PTPRK: variants seen among roughly 807,000 people sequenced by gnomAD.
PTPRK encodes the protein protein tyrosine phosphatase receptor type K, also known as receptor-type tyrosine-protein phosphatase kappa.
Under a neutral mutation model 178.0 loss-of-function variants are expected in PTPRK, and 75 were observed. That is an observed-to-expected ratio of 0.42 (90% CI 0.35 to 0.51). PTPRK has a LOEUF of 0.51. PTPRK is among the 20% of genes least tolerant of loss of function. The probability of loss-of-function intolerance (pLI) is 0.02; values close to 1 mark genes in which losing one functional copy is unlikely to be tolerated. For synonymous variants in PTPRK, 637 were observed against 620.6 expected (o/e 1.03, Z -0.39); for missense variants, 1,441 against 1,797.8 (o/e 0.80, Z 3.59).
intron 3 of PTPRK, among the ~76,000 whole-genome samples, chr6:128,288,157 A>G (rs1822812840): frequency 6.6e-6 from 1 of 152,198 alleles, no homozygotes; most frequent in Admixed American, 6.6e-5. Context: ...ACTAGCTTTC[A>G]CAAAACTGAA....
intron 5 of PTPRK, among the ~76,000 whole-genome samples, chr6:128,220,113 T>A (rs940893066): frequency 6.6e-6 from 1 of 151,842 alleles, no homozygotes; most frequent in African/African-American, 2.4e-5. Flanking sequence ...CTGAAAAAAA[T>A]TCAACTATAA....
Position 128,134,622 on chromosome 6 carries a change from G to A in PTPRK, c.1163-44630C>T, listed in dbSNP as rs569459209. On this transcript the variant is annotated intron_variant, in intron 7 of 29. Coordinates refer to ENST00000368226, the MANE Select transcript of PTPRK (RefSeq NM_002844.4). ...GCTCAGGGGTTCAAGACCAGCCTGG[G>A]CGATGTGACAAAATCCCATCTCTAC... 9.9e-5 allele frequency among the ~76,000 whole-genome samples: 15 copies of A among 152,186 alleles called. No homozygotes were observed. The South Asian group carries it at 2.7e-3, about 27-fold the overall frequency.
At chr6:128,453,696 C>A (rs1343999700) in intron 1 of PTPRK, among the ~76,000 whole-genome samples, 1 of 152,132 alleles carries the variant, frequency 6.6e-6, no homozygotes, top group African/African-American at 2.4e-5. Context: ...AAAATAGCCA[C>A]CCTGTAAATG....
chr6:128,481,162 A>T (rs1352478412), intron 1 of PTPRK, among the ~76,000 whole-genome samples: 1 of 151,976 alleles, frequency 6.6e-6, no homozygotes, highest in African/African-American at 2.4e-5. Context: ...AGCTCAAATT[A>T]CACCTTATCT....
At chr6:128,347,464 T>A (rs1305458795) in intron 2 of PTPRK, among the ~76,000 whole-genome samples, 1 of 152,160 alleles carries the variant, frequency 6.6e-6, no homozygotes, top group Non-Finnish European at 1.5e-5. Flanking sequence ...GGAGATGAAT[T>A]TACCGTGAAG....
Position 128,012,881 on chromosome 6 carries a change from C to T in PTPRK, c.2195-3613G>A, listed in dbSNP as rs537330372. On this transcript the variant is annotated intron_variant, in intron 13 of 29. Coordinates refer to ENST00000368226, the MANE Select transcript of PTPRK (RefSeq NM_002844.4). ...GGTGTCTTCAGAGACATTATTGTCA[C>T]TCAAATTCTGCAAATCCTCCCGGCA... Among the ~76,000 whole-genome samples the T allele has an allele frequency of 2.0e-5, 3 of 151,444 alleles. No individual in the cohort carries two copies. The South Asian group carries it at 6.2e-4, about 31-fold the overall frequency.
chr6:128,264,642 C>T (rs898257663), intron 3 of PTPRK, among the ~76,000 whole-genome samples: 8 of 152,182 alleles, frequency 5.3e-5, no homozygotes, highest in East Asian at 3.9e-4. Flanking sequence ...GCATGCACCA[C>T]CATACCTGGC....
intron 13 of PTPRK, among the ~76,000 whole-genome samples, chr6:128,027,280 T>C (rs953154818): frequency 2.0e-5 from 3 of 152,214 alleles, no homozygotes; most frequent in African/African-American, 7.2e-5. Flanking sequence ...TGAACAGAAC[T>C]GTTTGTCCAT....
At chr6:128,277,296 G>C (rs1239698166) in intron 3 of PTPRK, among the ~76,000 whole-genome samples, 1 of 152,138 alleles carries the variant, frequency 6.6e-6, no homozygotes, top group Non-Finnish European at 1.5e-5. Context: ...GTCAGTCATA[G>C]TACATTGAAC....
intron 1 of PTPRK, among the ~76,000 whole-genome samples, chr6:128,494,847 A>G (rs1854426561): frequency 6.6e-6 from 1 of 152,226 alleles, no homozygotes. Context: ...AAACTGTCAT[A>G]ACGCCCTGAA....
chr6:128,342,794 G>T (rs1369352595), intron 2 of PTPRK, among the ~76,000 whole-genome samples: 1 of 151,564 alleles, frequency 6.6e-6, no homozygotes, highest in Non-Finnish European at 1.5e-5. Context: ...TTTTTCTAAA[G>T]AACAGATTTA....
chr6:128,186,106 T>C (rs2114703133), intron 6 of PTPRK, among the ~76,000 whole-genome samples: 1 of 152,244 alleles, frequency 6.6e-6, no homozygotes, highest in South Asian at 2.1e-4. Context: ...ATATGATAAA[T>C]ATTAATTGAG....
intron 1 of PTPRK, among the ~76,000 whole-genome samples, chr6:128,459,222 A>G (rs1156539966): frequency 6.6e-6 from 1 of 152,182 alleles, no homozygotes; most frequent in Non-Finnish European, 1.5e-5. Context: ...TAGTTATACG[A>G]TCACACTAAA....
At chr6:128,067,340 C>T (rs948698364) in intron 12 of PTPRK, 179 bp downstream of exon 12, 8 of 502,706 alleles carry the variant, frequency 1.6e-5, no homozygotes, top group African/African-American at 9.9e-5. Context: ...ATGGAACTGG[C>T]GTGCGGCCTC....
intron 11 of PTPRK, among the ~76,000 whole-genome samples, chr6:128,076,634 A>G (rs1431355604): frequency 1.3e-5 from 2 of 152,100 alleles, no homozygotes; most frequent in African/African-American, 4.8e-5. Flanking sequence ...CCAACAATGT[A>G]TAATTTGAAG....
Position 128,201,194 on chromosome 6 carries a change from T to C in PTPRK, c.869-16469A>G, listed in dbSNP as rs185014156. On this transcript the variant is annotated intron_variant, in intron 6 of 29. Coordinates refer to ENST00000368226, the MANE Select transcript of PTPRK (RefSeq NM_002844.4). ...GAATCTCATGATATTATTAAAGACA[T>C]TGAAAACACTTCCAAAATTTTCTTA... 1.3e-3 allele frequency among the ~76,000 whole-genome samples: 201 copies of C among 152,288 alleles called. 1 individual carries two copies. Among genetic ancestry groups the C allele is most frequent in the Admixed American group, 0.013 (198 of 15,292 alleles).
intron 13 of PTPRK, among the ~76,000 whole-genome samples, chr6:128,033,246 T>C (rs1775652263): frequency 6.6e-6 from 1 of 152,176 alleles, no homozygotes; most frequent in African/African-American, 2.4e-5. Flanking sequence ...AGCTTTTAAT[T>C]TGACAGTGGA....
chr6:128,421,566 G>A (rs1584637538), intron 1 of PTPRK, among the ~76,000 whole-genome samples: 1 of 152,024 alleles, frequency 6.6e-6, no homozygotes. Context: ...CATTCAAGAC[G>A]ACTCTTCACA....
At chr6:128,373,964 G>T in intron 2 of PTPRK, among the ~76,000 whole-genome samples, 1 of 152,104 alleles carries the variant, frequency 6.6e-6, no homozygotes, top group East Asian at 1.9e-4. Flanking sequence ...AAAGGCTTCA[G>T]AAATACAGAT....
Sources: allele counts gnomAD v4.1 joint callset (sites outside exome capture counted in the v4.1 genomes callset), GRCh38; gene constraint gnomAD v4.1.1; transcripts MANE v1.5; gene names NCBI Gene and HGNC (gene_info 2026-07-23, HGNC 2026-07-21).